NEK11: variants seen among roughly 807,000 people sequenced by gnomAD.
NEK11 encodes serine/threonine-protein kinase Nek11.
Under a neutral mutation model 80.7 loss-of-function variants are expected in NEK11, and 72 were observed. The observed-to-expected ratio is 0.89, with a 90% CI of 0.74 to 1.08. The LOEUF (loss-of-function observed/expected upper bound fraction) is 1.08, where lower values mean the gene tolerates loss of function less well. Among genes scored for constraint, NEK11 ranks in the 50% least tolerant of loss-of-function variants. The pLI is 0.00. For missense variants in NEK11, 764 were observed against 763.6 expected (o/e 1.00, Z -0.01); for synonymous variants, 251 against 260.7 (o/e 0.96, Z 0.36).
At chr3:131,085,339 A>T (rs144439970) in intron 4 of NEK11, among the ~76,000 whole-genome samples, 15 of 152,230 alleles carry the variant, frequency 9.9e-5, no homozygotes, top group Non-Finnish European at 2.1e-4. Flanking sequence ...TCCAAAAGCC[A>T]TTACTGAGCC....
At chr3:131,094,805 A>G (rs931436269) in intron 4 of NEK11, among the ~76,000 whole-genome samples, 2 of 152,194 alleles carry the variant, frequency 1.3e-5, no homozygotes, top group Non-Finnish European at 2.9e-5. Flanking sequence ...TTGTCTTGTC[A>G]AAATTATGGG....
intron 4 of NEK11, among the ~76,000 whole-genome samples, chr3:131,082,811 G>T (rs771330977): frequency 6.6e-6 from 1 of 152,022 alleles, no homozygotes; most frequent in Non-Finnish European, 1.5e-5. Flanking sequence ...TTCCACATTT[G>T]CTTTATCTTT....
chr3:131,138,532 C>T (rs2086132011), intron 7 of NEK11, among the ~76,000 whole-genome samples: 1 of 152,128 alleles, frequency 6.6e-6, no homozygotes, highest in South Asian at 2.1e-4. Flanking sequence ...TCATCATCTG[C>T]TGCTTGTAGA....
At chr3:131,203,815 A>C (rs2094354960) in intron 14 of NEK11, among the ~76,000 whole-genome samples, 1 of 82,656 alleles carries the variant, frequency 1.2e-5, no homozygotes, top group Non-Finnish European at 2.2e-5. Flanking sequence ...ATATATATAT[A>C]TATATATATA....
chr3:131,327,543 G>T (rs1416506004), intron 17 of NEK11: 2 of 152,196 alleles, frequency 1.3e-5, no homozygotes, highest in Non-Finnish European at 2.9e-5. Context: ...TGTTTGAAAA[G>T]TTGATTTGTC....
rs145933893 is a variant in NEK11 at position 131,185,691 on chromosome 3, G to A, written c.1399+14804G>A. 3.5e-3 allele frequency among the ~76,000 whole-genome samples: 526 copies of A among 152,270 alleles called. 1 individual carries two copies. Among genetic ancestry groups the A allele is most frequent in the African/African-American group, 0.012 (500 of 41,552 alleles). On this transcript the variant is annotated intron_variant, in intron 14 of 17. Transcript: ENST00000383366. ...GTGGTTCCTTTGAGCCATTCCATAT[G>A]CTTGAGATGGTAAAAGAGTATTTTG...
intron 17 of NEK11, among the ~76,000 whole-genome samples, chr3:131,280,518 A>G (rs1291871163): frequency 4.6e-5 from 7 of 152,178 alleles, no homozygotes; most frequent in Non-Finnish European, 1.0e-4. Flanking sequence ...CATTATAAGC[A>G]GTTTGAGATT....
chr3:131,229,711 A>G (rs1282204527), intron 15 of NEK11, among the ~76,000 whole-genome samples: 1 of 152,118 alleles, frequency 6.6e-6, no homozygotes, highest in Non-Finnish European at 1.5e-5. Flanking sequence ...GTGCTCTCCA[A>G]TTTGATATTA....
chr3:131,295,844 A>G (rs940295441), intron 17 of NEK11, among the ~76,000 whole-genome samples: 3 of 152,066 alleles, frequency 2.0e-5, no homozygotes, highest in African/African-American at 7.2e-5. Flanking sequence ...TTTTTAAATT[A>G]AATTTAAATT....
At position 131,162,886 on chromosome 3, in the gene NEK11, G is replaced by T. The variant is rs550753428; in HGVS notation, c.1082+359G>T. ...CCCGGATTCCCTAGGTGCTTGCTGC[G>T]TACCTTCTACCAGGAGACCTCACTT... On this transcript the variant is annotated intron_variant, in intron 11 of 17. Coordinates refer to ENST00000383366, the MANE Select transcript of NEK11 (RefSeq NM_024800.5). 5.3e-5 allele frequency among the ~76,000 whole-genome samples: 8 copies of T among 152,246 alleles called. No individual in the cohort carries two copies. The East Asian group carries it at 1.5e-3, about 29-fold the overall frequency.
At chr3:131,299,829 A>G (rs1213844493) in intron 17 of NEK11, among the ~76,000 whole-genome samples, 4 of 152,238 alleles carry the variant, frequency 2.6e-5, no homozygotes, top group African/African-American at 4.8e-5. Flanking sequence ...TAGTGCTGCA[A>G]TGAACACATG....
At chr3:131,251,888 T>A (rs1188724945) in intron 16 of NEK11, among the ~76,000 whole-genome samples, 1 of 152,114 alleles carries the variant, frequency 6.6e-6, no homozygotes, top group East Asian at 1.9e-4. Context: ...AGCACATGCT[T>A]TTGAAATACC....
chr3:131,060,065 T>G (rs2070532341), intron 3 of NEK11, among the ~76,000 whole-genome samples: 1 of 152,208 alleles, frequency 6.6e-6, no homozygotes, highest in South Asian at 2.1e-4. Flanking sequence ...CTGGGCCCTA[T>G]GTGACTGCAC....
intron 16 of NEK11, among the ~76,000 whole-genome samples, chr3:131,253,096 T>C (rs2095739002): frequency 6.6e-6 from 1 of 152,092 alleles, no homozygotes; most frequent in East Asian, 1.9e-4. Context: ...ATCAGGCATT[T>C]AGAGAGCTCA....
chr3:131,310,628 T>C (rs1328309155), intron 17 of NEK11, among the ~76,000 whole-genome samples: 4 of 152,224 alleles, frequency 2.6e-5, no homozygotes, highest in Non-Finnish European at 4.4e-5. Flanking sequence ...AAAAGCGATG[T>C]CAGAGGTGCT....
chr3:131,121,502 CT>C (rs1177457938), intron 5 of NEK11, among the ~76,000 whole-genome samples: 6 of 152,096 alleles, frequency 3.9e-5, no homozygotes, highest in Non-Finnish European at 8.8e-5. Context: ...AACCACTGCT[CT>C]CTTTAAAGCT....
chr3:131,315,419 G>A (rs1465327995), intron 17 of NEK11, among the ~76,000 whole-genome samples: 1 of 151,552 alleles, frequency 6.6e-6, no homozygotes, highest in African/African-American at 2.4e-5. Context: ...GTTCATCCAC[G>A]CTGTCACAAG....
chr3:131,107,814 C>G (rs1301651177), intron 4 of NEK11, among the ~76,000 whole-genome samples: 1 of 152,066 alleles, frequency 6.6e-6, no homozygotes, highest in Non-Finnish European at 1.5e-5. Context: ...GTTTACAGGT[C>G]ACCTTTCATC....
intron 16 of NEK11, among the ~76,000 whole-genome samples, chr3:131,270,408 T>A (rs1010790407): frequency 3.9e-5 from 6 of 152,158 alleles, no homozygotes; most frequent in African/African-American, 1.4e-4. Context: ...TAAAGAAGAA[T>A]CTGCATTTTA....
Sources: gnomAD v4.1 joint callset for allele counts (sites outside exome capture counted in the v4.1 genomes callset) on GRCh38, gnomAD v4.1.1 for gene constraint, MANE v1.5 for transcripts, NCBI Gene and HGNC (gene_info 2026-07-23, HGNC 2026-07-21) for gene names.